The following KIAA1217 variants were observed in gnomAD, a reference collection of about 807,000 sequenced individuals.
KIAA1217 encodes the protein KIAA1217.
Under a neutral mutation model 163.9 loss-of-function variants are expected in KIAA1217, and 88 were observed. That is an observed-to-expected ratio of 0.54 (90% CI 0.45 to 0.64). The LOEUF is 0.64. Among genes scored for constraint, KIAA1217 ranks in the 30% least tolerant of loss-of-function variants. The probability of loss-of-function intolerance (pLI) is 0.00; values close to 1 mark genes in which losing one functional copy is unlikely to be tolerated. For synonymous variants in KIAA1217, 903 were observed against 923.1 expected (o/e 0.98, Z 0.39); for missense variants, 2,372 against 2,475.0 (o/e 0.96, Z 0.88).
chr10:24,449,847 C>T (rs2061250763), intron 5 of KIAA1217: 1 of 692,544 alleles, frequency 1.4e-6, no homozygotes, highest in Non-Finnish European at 1.8e-6. Flanking sequence ...ATTAACTTGT[C>T]TTCTGTATTC....
At chr10:24,470,678 T>G (rs1026359644) in intron 5 of KIAA1217, among the ~76,000 whole-genome samples, 9 of 152,136 alleles carry the variant, frequency 5.9e-5, no homozygotes, top group African/African-American at 2.2e-4. Context: ...GCCTGCATAC[T>G]CCAGGGGGCC....
At position 24,308,120 on chromosome 10, in the gene KIAA1217, A is replaced by G. The variant is rs560144180; in HGVS notation, c.355-72749A>G. On this transcript the variant is annotated intron_variant, in intron 2 of 20. Coordinates refer to ENST00000376454, the MANE Select transcript of KIAA1217 (RefSeq NM_019590.5). ...GTGTAACAATTGTTGAGTAGGTACC[A>G]TGGTACCCACTCTATTGCTAAGCTG... Among the ~76,000 whole-genome samples, 5 of 152,332 alleles carry G rather than the reference A, an allele frequency of 3.3e-5. 1 individual carries two copies. The East Asian group carries it at 9.6e-4, about 29-fold the overall frequency.
chr10:23,802,082 A>G (rs1210777532), intron 1 of KIAA1217, among the ~76,000 whole-genome samples: 1 of 152,190 alleles, frequency 6.6e-6, no homozygotes, highest in Non-Finnish European at 1.5e-5. Context: ...GAGACTGCAG[A>G]TGGGAGAGTT....
intron 2 of KIAA1217, among the ~76,000 whole-genome samples, chr10:24,298,620 A>T (rs1285606344): frequency 1.3e-5 from 2 of 152,204 alleles, no homozygotes; most frequent in East Asian, 3.9e-4. Flanking sequence ...CAACATGGCA[A>T]AACCTCTTCT....
intron 2 of KIAA1217, among the ~76,000 whole-genome samples, chr10:24,325,002 A>G (rs1230371884): frequency 6.6e-6 from 1 of 152,180 alleles, no homozygotes; most frequent in Non-Finnish European, 1.5e-5. Context: ...AGTTGAAAAA[A>G]AGTGTAAGCA....
At chr10:24,233,720 A>G (rs1367183065) in intron 2 of KIAA1217, among the ~76,000 whole-genome samples, 2 of 152,240 alleles carry the variant, frequency 1.3e-5, no homozygotes, top group Non-Finnish European at 2.9e-5. Flanking sequence ...AGTATTGCAT[A>G]GATATTCATG....
chr10:23,749,591 A>C (rs187736498), intron 1 of KIAA1217, among the ~76,000 whole-genome samples: 1 of 152,140 alleles, frequency 6.6e-6, no homozygotes, highest in Non-Finnish European at 1.5e-5. Flanking sequence ...TATTTTTAGT[A>C]GAGATGGCAT....
chr10:24,196,667 A>T (rs2067004866), intron 2 of KIAA1217, among the ~76,000 whole-genome samples: 2 of 152,166 alleles, frequency 1.3e-5, no homozygotes, highest in South Asian at 4.1e-4. Flanking sequence ...CCTGCTGGTG[A>T]CAGTTGCGTC....
At chr10:24,458,614 A>C (rs1286273164) in intron 5 of KIAA1217, among the ~76,000 whole-genome samples, 9 of 152,170 alleles carry the variant, frequency 5.9e-5, no homozygotes, top group Non-Finnish European at 1.5e-5. Flanking sequence ...ATCTGACTTC[A>C]GGTAAGATAT....
At chr10:23,999,453 G>A (rs540476618) in intron 1 of KIAA1217, among the ~76,000 whole-genome samples, 15 of 152,274 alleles carry the variant, frequency 9.9e-5, no homozygotes, top group African/African-American at 2.9e-4. Context: ...CTCTCACACT[G>A]CTGCCACTGC....
intron 2 of KIAA1217, among the ~76,000 whole-genome samples, chr10:24,179,252 A>G (rs954734000): frequency 5.3e-5 from 8 of 152,166 alleles, no homozygotes; most frequent in African/African-American, 1.9e-4. Flanking sequence ...CCCCACCCAA[A>G]TCTTGTCTTC....
intron 1 of KIAA1217, among the ~76,000 whole-genome samples, chr10:23,846,937 A>G (rs1375790405): frequency 6.6e-6 from 1 of 152,172 alleles, no homozygotes; most frequent in East Asian, 1.9e-4. Flanking sequence ...GAGAGTTTTT[A>G]GCATGAAGGG....
chr10:24,241,374 T>C (rs1481683602), intron 2 of KIAA1217, among the ~76,000 whole-genome samples: 1 of 152,220 alleles, frequency 6.6e-6, no homozygotes, highest in African/African-American at 2.4e-5. Context: ...AGGGTATTTA[T>C]ATTTTTATAT....
chr10:24,389,371 G>A (rs1174130302), intron 3 of KIAA1217, among the ~76,000 whole-genome samples: 1 of 151,922 alleles, frequency 6.6e-6, no homozygotes, highest in East Asian at 1.9e-4. Flanking sequence ...TGGACACAGG[G>A]TGGGGAATAT....
intron 2 of KIAA1217, among the ~76,000 whole-genome samples, chr10:24,038,642 T>A (rs986504634): frequency 2.6e-5 from 4 of 151,754 alleles, no homozygotes; most frequent in African/African-American, 9.7e-5. Flanking sequence ...GAAAATTGGA[T>A]CCAGTAGTTG....
intron 1 of KIAA1217, among the ~76,000 whole-genome samples, chr10:23,778,398 C>T (rs1301134268): frequency 6.6e-6 from 1 of 152,168 alleles, no homozygotes; most frequent in Non-Finnish European, 1.5e-5. Context: ...GACATATGCC[C>T]ATGATCCAGC....
At chr10:23,985,412 C>T (rs1241435586) in intron 1 of KIAA1217, among the ~76,000 whole-genome samples, 2 of 152,138 alleles carry the variant, frequency 1.3e-5, no homozygotes, top group Non-Finnish European at 2.9e-5. Context: ...CAACCTTTTG[C>T]CTCAAAAGCT....
intron 1 of KIAA1217, among the ~76,000 whole-genome samples, chr10:23,890,065 A>G (rs974010656): frequency 4.6e-5 from 7 of 151,884 alleles, no homozygotes; most frequent in Non-Finnish European, 1.0e-4. Context: ...GGTAAAATTC[A>G]CCAGTGGAAT....
chr10:24,502,341 A>G (rs1167330834), intron 9 of KIAA1217, among the ~76,000 whole-genome samples: 1 of 149,860 alleles, frequency 6.7e-6, no homozygotes, highest in Non-Finnish European at 1.5e-5. Flanking sequence ...AAAAAAAGCC[A>G]TCATGGTGAT....
Sources: allele counts gnomAD v4.1 joint callset (sites outside exome capture counted in the v4.1 genomes callset), GRCh38; gene constraint gnomAD v4.1.1; transcripts MANE v1.5; gene names NCBI Gene and HGNC (gene_info 2026-07-23, HGNC 2026-07-21).